CTNNA2: variants seen among roughly 807,000 people sequenced by gnomAD.
CTNNA2 encodes the protein catenin alpha 2, also known as catenin alpha-2.
CTNNA2 carries 42 observed loss-of-function variants against 101.0 expected under a neutral mutation model. The observed-to-expected ratio is 0.42, with a 90% confidence interval of 0.32 to 0.54. The LOEUF is 0.54. Among genes scored for constraint, CTNNA2 ranks in the 20% least tolerant of loss-of-function variants. CTNNA2 has a pLI of 0.14. For synonymous variants in CTNNA2, 450 were observed against 456.4 expected (o/e 0.99, Z 0.18); for missense variants, 871 against 1,223.1 (o/e 0.71, Z 4.29).
At chr2:79,711,874 A>G (rs1479945941) in intron 2 of CTNNA2, among the ~76,000 whole-genome samples, 2 of 152,208 alleles carry the variant, frequency 1.3e-5, no homozygotes, top group Admixed American at 6.5e-5. Flanking sequence ...TTTGAATTTC[A>G]TACTAGTTTC....
intron 9 of CTNNA2, among the ~76,000 whole-genome samples, chr2:80,446,248 C>T (rs554346418): frequency 2.6e-5 from 4 of 152,256 alleles, no homozygotes; most frequent in South Asian, 4.2e-4. Flanking sequence ...TTCCCAGCTT[C>T]CTCCACTCAA....
intron 1 of CTNNA2, among the ~76,000 whole-genome samples, chr2:79,191,872 T>C (rs955863560): frequency 6.6e-6 from 1 of 152,022 alleles, no homozygotes; most frequent in African/African-American, 2.4e-5. Context: ...TGTGATAAAA[T>C]TAGGCTGTAT....
chr2:79,199,962 T>A (rs570055892), intron 2 of CTNNA2, among the ~76,000 whole-genome samples: 12 of 152,186 alleles, frequency 7.9e-5, no homozygotes, highest in Non-Finnish European at 1.6e-4. Flanking sequence ...CAACACATCT[T>A]CAATGCTTCT....
chr2:80,626,084 C>T (rs542118629), intron 18 of CTNNA2, among the ~76,000 whole-genome samples: 3 of 152,004 alleles, frequency 2.0e-5, no homozygotes, highest in African/African-American at 7.2e-5. Context: ...TTATGACACA[C>T]AAATTGTTAT....
chr2:79,410,436 G>A (rs1678396124), intron 4 of CTNNA2, among the ~76,000 whole-genome samples: 1 of 151,500 alleles, frequency 6.6e-6, no homozygotes, highest in Admixed American at 6.6e-5. Context: ...TTGGCTGTGG[G>A]TTTGTCATAG....
chr2:80,413,419 A>G (rs1044538696), intron 8 of CTNNA2, among the ~76,000 whole-genome samples: 8 of 152,256 alleles, frequency 5.3e-5, no homozygotes, highest in African/African-American at 1.9e-4. Context: ...AAAACTAAAT[A>G]AAGCAAGAAC....
intron 4 of CTNNA2, among the ~76,000 whole-genome samples, chr2:79,494,277 ATTT>A (rs35039244): frequency 4.6e-4 from 68 of 147,200 alleles, no homozygotes; most frequent in Middle Eastern, 7.0e-3. Context: ...CAGCTGCCCT[ATTT>A]TTTTTTTTTT....
At chr2:80,210,480 T>G (rs1245165189) in intron 7 of CTNNA2, among the ~76,000 whole-genome samples, 1 of 152,150 alleles carries the variant, frequency 6.6e-6, no homozygotes, top group African/African-American at 2.4e-5. Flanking sequence ...TTTCTGTCCT[T>G]GCGATAGTTT....
At chr2:79,516,977 A>G (rs926611406) in intron 1 of CTNNA2, among the ~76,000 whole-genome samples, 16 of 152,140 alleles carry the variant, frequency 1.1e-4, no homozygotes, top group African/African-American at 3.6e-4. Flanking sequence ...CCTAATTACA[A>G]AAGCCCCTTT....
chr2:80,609,645 G>A (rs565010830), intron 17 of CTNNA2, among the ~76,000 whole-genome samples: 2 of 151,870 alleles, frequency 1.3e-5, no homozygotes, highest in South Asian at 4.1e-4. Context: ...CTTCAGCCTT[G>A]ATGGTATAGT....
At chr2:79,915,426 A>C (rs985515407) in intron 7 of CTNNA2, among the ~76,000 whole-genome samples, 1 of 152,222 alleles carries the variant, frequency 6.6e-6, no homozygotes, top group African/African-American at 2.4e-5. Context: ...ATATGTTACC[A>C]TATCAATAAA....
At chr2:79,190,692 C>CG (rs2104159390) in intron 1 of CTNNA2, among the ~76,000 whole-genome samples, 1 of 152,188 alleles carries the variant, frequency 6.6e-6, no homozygotes, top group African/African-American at 2.4e-5. Context: ...GATGGCTTGA[C>CG]GGGGCACCAG....
At chr2:80,536,854 G>C (rs1413816584) in intron 9 of CTNNA2, among the ~76,000 whole-genome samples, 5 of 150,806 alleles carry the variant, frequency 3.3e-5, no homozygotes, top group Admixed American at 1.3e-4. Flanking sequence ...ATCAAGATCT[G>C]TGAGCTGTGT....
intron 2 of CTNNA2, among the ~76,000 whole-genome samples, chr2:79,700,922 G>C (rs957873878): frequency 6.6e-6 from 1 of 152,158 alleles, no homozygotes; most frequent in Non-Finnish European, 1.5e-5. Context: ...TGTAGCTGCA[G>C]ACTAGCATGG....
intron 2 of CTNNA2, among the ~76,000 whole-genome samples, chr2:79,286,695 C>T (rs1371327732): frequency 6.6e-6 from 1 of 152,000 alleles, no homozygotes; most frequent in African/African-American, 2.4e-5. Context: ...CATTTTTTTC[C>T]TTCATTTCAA....
chr2:80,262,432 A>G (rs755593477), intron 7 of CTNNA2, among the ~76,000 whole-genome samples: 1 of 152,176 alleles, frequency 6.6e-6, no homozygotes, highest in Non-Finnish European at 1.5e-5. Context: ...TGGTGTATAT[A>G]TATTTTTGTA....
intron 2 of CTNNA2, among the ~76,000 whole-genome samples, chr2:79,698,706 C>G (rs1005366484): frequency 2.6e-5 from 4 of 151,858 alleles, no homozygotes; most frequent in African/African-American, 9.7e-5. Flanking sequence ...AGCAAGATAC[C>G]AAAAGGGAAT....
intron 3 of CTNNA2, among the ~76,000 whole-genome samples, chr2:79,329,547 C>T (rs893921926): frequency 6.6e-6 from 1 of 152,094 alleles, no homozygotes; most frequent in Non-Finnish European, 1.5e-5. Context: ...ATCTGCACAC[C>T]TACACTGGTG....
chr2:79,600,865 A>C (rs910673428), intron 1 of CTNNA2, among the ~76,000 whole-genome samples: 9 of 152,000 alleles, frequency 5.9e-5, no homozygotes, highest in Non-Finnish European at 1.2e-4. Flanking sequence ...GAGCAGAGAG[A>C]TCATCTCTCT....
Sources: gnomAD v4.1 joint callset for allele counts (sites outside exome capture counted in the v4.1 genomes callset) on GRCh38, gnomAD v4.1.1 for gene constraint, MANE v1.5 for transcripts, NCBI Gene and HGNC (gene_info 2026-07-23, HGNC 2026-07-21) for gene names.